MYH7: variants seen among roughly 807,000 people sequenced by gnomAD.
MYH7 encodes myosin-7.
A neutral mutation model predicts 225.4 loss-of-function variants in MYH7; 129 were observed. The ratio of observed to expected loss-of-function variants is 0.57; its 90% CI spans 0.50 to 0.66. MYH7 has a LOEUF of 0.66. MYH7 is among the 30% of genes least tolerant of loss of function. The probability of loss-of-function intolerance (pLI) is 0.00; values close to 1 mark genes in which losing one functional copy is unlikely to be tolerated. For synonymous variants in MYH7, 971 were observed against 1,007.6 expected (o/e 0.96, Z 0.69); for missense variants, 1,649 against 2,517.0 (o/e 0.66, Z 7.38).
At chr14:23,432,434 G>T (rs776239389) in intron 6 of MYH7, 45 bp downstream of exon 6, 2 of 1,612,152 alleles carry the variant, frequency 1.2e-6, no homozygotes, top group Non-Finnish European at 1.7e-6. Flanking sequence ...TGGAGGCTGG[G>T]ATCAGGGAGA....
Position 23,432,692 on chromosome 14 carries a change from G to T in MYH7, c.449C>A (p.Ala150Asp). 6.2e-7 allele frequency: 1 copy of T among 1,614,122 alleles called. No homozygotes were observed. Among genetic ancestry groups the T allele is most frequent in the Admixed American group, 1.7e-5 (1 of 60,024 alleles). Residue 150 changes from alanine (A) to aspartate (D), a missense_variant, in exon 5 of 40, where the codon GCC (alanine) becomes GAC (aspartate). Physicochemically the swap from Ala to Asp is moderately radical, Grantham distance 126. Around this residue, in one of 12 missense-constraint regions of MYH7, gnomAD observed 77 missense variants for 144.0 expected, o/e 0.53. Coordinates refer to ENST00000355349, the MANE Select transcript of MYH7 (RefSeq NM_000257.4). ...GGAGATGGAGAAGATGTGGGGCGGG[G>T]CCTCGCTCCTCTTCTTGCCCCGGTA... ...AAYRGKKRSE[A>D]PPHIFSISDN...
intron 12 of MYH7, 55 bp downstream of exon 12, chr14:23,429,720 G>A: frequency 6.3e-7 from 1 of 1,599,942 alleles, no homozygotes; most frequent in Non-Finnish European, 8.5e-7. Context: ...TGACTGCTGA[G>A]CAGACATGGC....
Position 23,422,207 on chromosome 14 carries a change from T to C in MYH7, c.3218A>G (p.Lys1073Arg). 3 of 1,613,516 alleles carry C rather than the reference T, an allele frequency of 1.9e-6. No homozygotes were observed. The highest frequency in any genetic ancestry group is 2.5e-6 in the Non-Finnish European group (3 of 1,180,016). The stretch of plus-strand genomic sequence containing the variant: ...TTTCAGCCGCTCATCCAGCTGCTGC[T>C]TGTCATTCTCCAGGTCCATGATGCT... Reference protein sequence around the residue: ...QESIMDLENDKQQLDERLKKK... With the variant: ...QESIMDLENDRQQLDERLKKK... The change falls in exon 25 of 40, where the codon AAG (lysine) becomes AGG (arginine). Residue 1073 changes from lysine to arginine, a missense_variant. Around this residue, in one of 12 missense-constraint regions of MYH7, gnomAD observed 282 missense variants for 315.3 expected, o/e 0.89. Transcript: ENST00000355349.
rs779650938 is a variant in MYH7, at chr14:23,433,488, G to A, written c.201+44C>T. On this transcript the variant is annotated intron_variant, in intron 3 of 39. Transcript: ENST00000355349. This position sits in a 1 kb window ranked among gnomAD's most constrained non-coding sequence, Gnocchi z 4.1. ...TGTACCCCTCTCTGTCCACCCAGGT[G>A]TACAGGTGGCCAGGGTGGACTCTCA... 2 of 1,591,416 alleles carry A rather than the reference G, an allele frequency of 1.3e-6. No homozygotes were observed. Among genetic ancestry groups the A allele is most frequent in the Non-Finnish European group, 1.7e-6 (2 of 1,162,054 alleles).
intron 24 of MYH7, 120 bp downstream of exon 24, chr14:23,423,427 A>G (rs1427006794): frequency 1.5e-5 from 20 of 1,366,694 alleles, no homozygotes; most frequent in African/African-American, 4.7e-5. Context: ...CCCTCTAAAC[A>G]TAAACACAAA....
At chr14:23,430,040 T>C in intron 11 of MYH7, 127 bp from the exon 12 acceptor site, 1 of 1,116,658 alleles carries the variant, frequency 9.0e-7, no homozygotes, top group African/African-American at 1.6e-5. Context: ...CCATACCCAG[T>C]GGGGAGCTCC....
At position 23,416,038 on chromosome 14, in the gene MYH7, T is replaced by C. The variant is rs756827282; in HGVS notation, c.4919A>G (p.Gln1640Arg). 3.1e-6 allele frequency: 5 copies of C among 1,614,088 alleles called. No homozygotes were observed. The highest frequency in any genetic ancestry group is 4.2e-6 in the Non-Finnish European group (5 of 1,180,046). Reference sequence around the variant, plus strand: ...GCTCTGGAGGCTCTTGACTTGCTTCTGGGCCTCGGCGGCCATGCGGTTGGC... The same window carrying C: ...GCTCTGGAGGCTCTTGACTTGCTTCCGGGCCTCGGCGGCCATGCGGTTGGC... ...SHANRMAAEA[Q>R]KQVKSLQSLL... Residue 1640 changes from glutamine to arginine, a missense_variant, in exon 34 of 40, where the codon CAG becomes CGG. Coordinates refer to ENST00000355349, the MANE Select transcript of MYH7 (RefSeq NM_000257.4).
At chr14:23,412,973 T>C in intron 39 of MYH7, 102 bp from the exon 40 acceptor site, 1 of 1,225,998 alleles carries the variant, frequency 8.2e-7, no homozygotes, top group Non-Finnish European at 1.2e-6. Flanking sequence ...GTGGGGGGCC[T>C]GCTTTGTGGG....
intron 11 of MYH7, 60 bp downstream of exon 11, chr14:23,430,500 C>T: frequency 7.4e-7 from 1 of 1,354,448 alleles, no homozygotes; most frequent in Non-Finnish European, 1.0e-6. Flanking sequence ...TGCTTTTGGA[C>T]CCCTGTTTGC....
rs45606737 is a variant in MYH7, at chr14:23,425,400, G to A, written c.2305C>T (p.Leu769=). Residue 769 remains leucine (L), a synonymous_variant, in exon 21 of 40, where the codon CTG becomes TTG. Transcript: ENST00000355349. The surrounding 1 kb of genome is among the most constrained non-coding windows in gnomAD (Gnocchi z 4.6). Reference sequence around the variant, plus strand: ...CTCATTTCCTCCAGCAGCCCCAGCAGCCCGGCCTTGAAGAACACCTGCAGG... The same window carrying A: ...CTCATTTCCTCCAGCAGCCCCAGCAACCCGGCCTTGAAGAACACCTGCAGG... The part of the protein sequence containing the change: ...GHTKVFFKAG[L]LGLLEEMRDE... 1.2e-5 allele frequency: 20 copies of A among 1,614,040 alleles called. No individual in the cohort carries two copies. In the Admixed American group the frequency reaches 3.0e-4, roughly 24 times the overall value.
rs747379804 is a variant in MYH7 at position 23,415,608 on chromosome 14, A to G, written c.5157+21T>C. 2 of 1,613,676 alleles carry G rather than the reference A, an allele frequency of 1.2e-6. No individual in the cohort carries two copies. Among genetic ancestry groups the G allele is most frequent in the Non-Finnish European group, 8.5e-7 (1 of 1,180,000 alleles). ...GCCCCAGCCTGTGCTCCCTTCAGGA[A>G]TGAGCAGGGGAGCTGCTCACCTGGG... On this transcript the variant is annotated intron_variant, in intron 35 of 39. Transcript: ENST00000355349. This position sits in a 1 kb window ranked among gnomAD's most constrained non-coding sequence, Gnocchi z 6.3.
chr14:23,428,253 G>C (rs554422642), intron 15 of MYH7, among the ~76,000 whole-genome samples: 1 of 152,242 alleles, frequency 6.6e-6, no homozygotes, highest in Non-Finnish European at 1.5e-5. Context: ...AAACATGCAG[G>C]TGTGGGAGGT....
rs1373877711 is a variant in MYH7, at chr14:23,415,322, G to A, written c.5284-52C>T. The stretch of plus-strand genomic sequence containing the variant: ...GGTCTGGTCAAGTCCTCACACACTT[G>A]CTGCCCAGCCCACGGAGAGACACTG... On this transcript the variant is annotated intron_variant, in intron 36 of 39. Coordinates refer to ENST00000355349, the MANE Select transcript of MYH7 (RefSeq NM_000257.4). The surrounding 1 kb of genome is among the most constrained non-coding windows in gnomAD (Gnocchi z 6.3). 1 of 1,614,232 alleles carries A rather than the reference G, an allele frequency of 6.2e-7. No individual in the cohort carries two copies. Among genetic ancestry groups the A allele is most frequent in the African/African-American group, 1.3e-5 (1 of 75,062 alleles).
chr14:23,423,848 C>G (rs1892582264), intron 23 of MYH7, 59 bp downstream of exon 23: 93 of 1,613,462 alleles, frequency 5.8e-5, no homozygotes, highest in Non-Finnish European at 2.5e-6. Flanking sequence ...GGGTCAAGGT[C>G]AGTATGGTCT....
At chr14:23,412,974 G>C in intron 39 of MYH7, 103 bp from the exon 40 acceptor site, 1 of 1,210,242 alleles carries the variant, frequency 8.3e-7, no homozygotes, top group Non-Finnish European at 1.2e-6. Context: ...TGGGGGGCCT[G>C]CTTTGTGGGC....
chr14:23,416,233 T>C lies in MYH7; in HGVS notation c.4724A>G (p.Lys1575Arg). 6.2e-7 allele frequency: 1 copy of C among 1,614,046 alleles called. No homozygotes were observed. Residue 1575 changes from lysine to arginine, a missense_variant, in exon 34 of 40, where the codon AAG (lysine) becomes AGG (arginine). By Grantham distance (26) the Lys-to-Arg change is conservative (BLOSUM62 2). This residue lies in a region of MYH7 where 687 missense variants were observed against 913.8 expected (regional missense o/e 0.75). Coordinates refer to ENST00000355349, the MANE Select transcript of MYH7 (RefSeq NM_000257.4). Reference protein sequence around the residue: ...FNQIKAEIERKLAEKDEEMEQ... With the variant: ...FNQIKAEIERRLAEKDEEMEQ... Reference sequence around the variant, plus strand: ...CATCTCCTCGTCCTTCTCTGCCAGCTTCCGCTCGATCTCTGCCTTGATCTG... The same window carrying C: ...CATCTCCTCGTCCTTCTCTGCCAGCCTCCGCTCGATCTCTGCCTTGATCTG...
intron 6 of MYH7, 124 bp from the exon 7 acceptor site, chr14:23,431,993 T>A: frequency 1.0e-6 from 1 of 974,674 alleles, no homozygotes; most frequent in Non-Finnish European, 1.6e-6. Flanking sequence ...TGCCAGGTTA[T>A]CTACACCCAA....
rs373514686 is a variant in MYH7 at position 23,416,140 on chromosome 14, C to T, written c.4817G>A (p.Arg1606His). The change falls in exon 34 of 40, where the codon CGC (arginine) becomes CAC (histidine). Residue 1606 changes from arginine to histidine, a missense_variant. Transcript: ENST00000355349. ...CACCCTCAGGGCCTCGTTGCGGCTG[C>T]GTGTCTCTGCGTCCAGGGAGGTCTG... ...SLQTSLDAET[R>H]SRNEALRVKK... The T allele has an allele frequency of 4.1e-5, 66 of 1,614,048 alleles. No individual in the cohort carries two copies. Among genetic ancestry groups the T allele is most frequent in the Non-Finnish European group, 5.0e-5 (59 of 1,180,034 alleles).
In MYH7 at chr14:23,423,974, C is replaced by G. The variant is rs1446444428; in HGVS notation, c.2855G>C (p.Arg952Thr). The G allele has an allele frequency of 7.4e-6, 12 of 1,614,122 alleles. No homozygotes were observed. Among genetic ancestry groups the G allele is most frequent in the Non-Finnish European group, 1.0e-5 (12 of 1,180,054 alleles). The change falls in exon 23 of 40, where the codon AGG (arginine) becomes ACG (threonine). Residue 952 changes from arginine to threonine, a missense_variant. Physicochemically the swap from Arg to Thr is moderately conservative, Grantham distance 71. Coordinates refer to ENST00000355349, the MANE Select transcript of MYH7 (RefSeq NM_000257.4). ...KLEDECSELK[R>T]DIDDLELTLA... The stretch of plus-strand genomic sequence containing the variant: ...TGTCAGCTCCAGATCATCGATGTCC[C>G]TTTTGAGCTCTGAGCACTCATCTTC...
Sources: gnomAD v4.1 joint callset for allele counts (sites outside exome capture counted in the v4.1 genomes callset) on GRCh38, gnomAD v4.1.1 for gene constraint, gnomAD v4.1.1 regional missense constraint, Gnocchi (gnomAD v3.1) non-coding constraint, MANE v1.5 for transcripts, NCBI Gene and HGNC (gene_info 2026-07-23, HGNC 2026-07-21) for gene names.